The following CNBD1 variants were observed in gnomAD, a reference collection of about 807,000 sequenced individuals.
CNBD1 encodes cyclic nucleotide-binding domain-containing protein 1.
In CNBD1, 71 loss-of-function variants were observed where a neutral mutation model predicts 54.4. That is an observed-to-expected ratio of 1.30 (90% CI 1.08 to 1.59). The LOEUF is 1.59. Among genes scored for constraint, CNBD1 ranks in the 40% most tolerant of loss-of-function variants. The pLI is 0.00. For synonymous variants in CNBD1, 182 were observed against 170.7 expected (o/e 1.07, Z -0.51); for missense variants, 659 against 518.0 (o/e 1.27, Z -2.64).
chr8:87,343,978 C>G (rs1810118298), intron 8 of CNBD1, among the ~76,000 whole-genome samples: 1 of 151,818 alleles, frequency 6.6e-6, no homozygotes, highest in South Asian at 2.1e-4. Flanking sequence ...GCTCTAACAA[C>G]TTTTTCATGC....
intron 8 of CNBD1, among the ~76,000 whole-genome samples, chr8:87,348,433 T>C (rs1162018713): frequency 6.6e-6 from 1 of 152,146 alleles, no homozygotes; most frequent in Non-Finnish European, 1.5e-5. Context: ...TATATATATT[T>C]GGAAGGAGAA....
At chr8:86,887,738 A>G in intron 2 of CNBD1, 127 bp downstream of exon 2, 2 of 614,940 alleles carry the variant, frequency 3.3e-6, no homozygotes, top group Non-Finnish European at 5.6e-6. Flanking sequence ...ACAGATAAAA[A>G]CAGTTGAAAA....
At chr8:87,167,631 G>T (rs953769116) in intron 4 of CNBD1, among the ~76,000 whole-genome samples, 1 of 151,830 alleles carries the variant, frequency 6.6e-6, no homozygotes, top group African/African-American at 2.4e-5. Context: ...TTCTCGCAAG[G>T]TGGATTTATA....
At chr8:87,328,188 A>G (rs1033399872) in intron 8 of CNBD1, among the ~76,000 whole-genome samples, 3 of 151,726 alleles carry the variant, frequency 2.0e-5, no homozygotes, top group African/African-American at 4.8e-5. Flanking sequence ...CCCTGTGTCC[A>G]TTGTTCGATA....
chr8:87,177,592 CAG>C (rs1258279123), intron 4 of CNBD1, among the ~76,000 whole-genome samples: 1 of 152,138 alleles, frequency 6.6e-6, no homozygotes, highest in Non-Finnish European at 1.5e-5. Flanking sequence ...ACCACTGACA[CAG>C]AGATTAACAC....
At chr8:87,086,635 T>C (rs980870916) in intron 4 of CNBD1, among the ~76,000 whole-genome samples, 7 of 152,194 alleles carry the variant, frequency 4.6e-5, no homozygotes, top group African/African-American at 1.7e-4. Flanking sequence ...ATAAACCTGC[T>C]TTTAAAGGCC....
At chr8:87,371,278 G>A (rs182072365) in intron 10 of CNBD1, among the ~76,000 whole-genome samples, 1 of 151,956 alleles carries the variant, frequency 6.6e-6, no homozygotes. Context: ...GTCATTGGTA[G>A]CTTGATGGGG....
rs1244302017 is a variant in CNBD1 at position 87,099,068 on chromosome 8, C to T, written c.432-106925C>T. On this transcript the variant is annotated intron_variant, in intron 4 of 10. Transcript: ENST00000518476. The stretch of plus-strand genomic sequence containing the variant: ...AAAAAAAAAAAAAAAAAACAAAACT[C>T]CAAATTTTGACCCTTATGCTTATAT... Among the ~76,000 whole-genome samples, 4 of 141,018 alleles carry T rather than the reference C, an allele frequency of 2.8e-5. No homozygotes were observed. The East Asian group carries it at 6.4e-4, about 22-fold the overall frequency. The allele number at this position is 141,018 out of a possible 152,430, so 92.5% of individuals were successfully genotyped here.
At chr8:87,367,875 T>A (rs1810673612) in intron 10 of CNBD1, among the ~76,000 whole-genome samples, 1 of 152,018 alleles carries the variant, frequency 6.6e-6, no homozygotes, top group African/African-American at 2.4e-5. Context: ...CAAAAGGACA[T>A]TAAAAGAATA....
intron 4 of CNBD1, among the ~76,000 whole-genome samples, chr8:87,200,948 A>T (rs1412977711): frequency 6.6e-6 from 1 of 152,174 alleles, no homozygotes; most frequent in East Asian, 1.9e-4. Flanking sequence ...ATCAGAAGAA[A>T]ACAAAACTAC....
At chr8:87,109,596 T>C (rs1238197249) in intron 4 of CNBD1, among the ~76,000 whole-genome samples, 1 of 146,966 alleles carries the variant, frequency 6.8e-6, no homozygotes, top group Non-Finnish European at 1.5e-5. Context: ...TGGAGTAAAA[T>C]GGCTTGATCT....
intron 3 of CNBD1, among the ~76,000 whole-genome samples, chr8:86,928,321 A>G (rs1365009371): frequency 2.0e-5 from 3 of 152,180 alleles, no homozygotes; most frequent in African/African-American, 7.2e-5. Flanking sequence ...CGACAAGGCC[A>G]TGGGCAAGAG....
intron 8 of CNBD1, among the ~76,000 whole-genome samples, chr8:87,301,125 A>C (rs1808979707): frequency 6.6e-6 from 1 of 152,138 alleles, no homozygotes; most frequent in Non-Finnish European, 1.5e-5. Flanking sequence ...CCTGGAAAAA[A>C]TACAACCCTC....
chr8:87,254,088 A>G (rs1164335609), intron 6 of CNBD1, among the ~76,000 whole-genome samples: 1 of 152,220 alleles, frequency 6.6e-6, no homozygotes, highest in Non-Finnish European at 1.5e-5. Flanking sequence ...CATTACAGAA[A>G]TAGGTCAGAA....
At chr8:87,218,195 A>G (rs1814254015) in intron 5 of CNBD1, among the ~76,000 whole-genome samples, 2 of 152,096 alleles carry the variant, frequency 1.3e-5, no homozygotes, top group African/African-American at 4.8e-5. Flanking sequence ...GATCTGAAAC[A>G]TAATTTAATC....
At chr8:87,254,728 AAT>A in intron 6 of CNBD1, among the ~76,000 whole-genome samples, 1 of 152,302 alleles carries the variant, frequency 6.6e-6, no homozygotes, top group Non-Finnish European at 1.5e-5. Flanking sequence ...TGTGAAGTGC[AAT>A]AGCACCCAGA....
At chr8:87,135,374 A>T (rs1049147871) in intron 4 of CNBD1, among the ~76,000 whole-genome samples, 3 of 151,822 alleles carry the variant, frequency 2.0e-5, no homozygotes, top group Non-Finnish European at 4.4e-5. Context: ...AAATCTTCAA[A>T]AATAAACCTC....
intron 6 of CNBD1, among the ~76,000 whole-genome samples, chr8:87,258,752 A>C (rs1036199423): frequency 1.3e-5 from 2 of 152,194 alleles, no homozygotes; most frequent in Non-Finnish European, 1.5e-5. Context: ...TGAGATTTTT[A>C]TAAACCTTTT....
At position 87,323,819 on chromosome 8, in the gene CNBD1, G is replaced by T. The variant is rs1384096842; in HGVS notation, c.1043-27866G>T. Among the ~76,000 whole-genome samples, 4 of 124,416 alleles carry T rather than the reference G, an allele frequency of 3.2e-5. 1 individual carries two copies. The highest frequency in any genetic ancestry group is 3.1e-4 in the Admixed American group (4 of 12,744). The allele number at this position is 124,416 out of a possible 152,430, so 81.6% of individuals were successfully genotyped here. ...TTCCTTCTCCTGCCTGATTGCCCTG[G>T]CCAGAACTTCCAACACTGTGTTGAA... On this transcript the variant is annotated intron_variant, in intron 8 of 10. Coordinates refer to ENST00000518476, the MANE Select transcript of CNBD1 (RefSeq NM_173538.3).
Sources: allele counts gnomAD v4.1 joint callset (sites outside exome capture counted in the v4.1 genomes callset), GRCh38; gene constraint gnomAD v4.1.1; transcripts MANE v1.5; gene names NCBI Gene and HGNC (gene_info 2026-07-23, HGNC 2026-07-21).